Variants in SERGEF observed in about 807,000 individuals in gnomAD.
SERGEF encodes secretion-regulating guanine nucleotide exchange factor.
SERGEF carries 51 observed loss-of-function variants against 50.0 expected under a neutral mutation model. That is an observed-to-expected ratio of 1.02 (90% CI 0.81 to 1.29). SERGEF has a LOEUF of 1.29. SERGEF is among the 50% of genes most tolerant of loss of function. The probability of loss-of-function intolerance (pLI) is 0.00; values close to 1 mark genes in which losing one functional copy is unlikely to be tolerated. For synonymous variants in SERGEF, 205 were observed against 212.4 expected, an observed-to-expected ratio of 0.97 and a Z score of 0.30; for missense variants, 521 against 557.0, an observed-to-expected ratio of 0.94 and a Z score of 0.65.
chr11:17,996,787 C>A (rs1053615513), intron 5 of SERGEF, among the ~76,000 whole-genome samples: 10 of 151,396 alleles, frequency 6.6e-5, no homozygotes, highest in Admixed American at 2.0e-4. Flanking sequence ...TAAAAACTTA[C>A]AATCTCTTCA....
At chr11:17,878,821 C>G (rs1246214717) in intron 9 of SERGEF, among the ~76,000 whole-genome samples, 2 of 152,184 alleles carry the variant, frequency 1.3e-5, no homozygotes, top group African/African-American at 2.4e-5. Flanking sequence ...CTTCCTCTAC[C>G]CAGAATGTCC....
chr11:17,824,030 G>A (rs554761080), intron 10 of SERGEF, among the ~76,000 whole-genome samples: 3 of 152,134 alleles, frequency 2.0e-5, no homozygotes, highest in Non-Finnish European at 2.9e-5. Context: ...GGCCGGGCGC[G>A]GTGGCTCATG....
intron 1 of SERGEF, among the ~76,000 whole-genome samples, chr11:18,011,495 GGCCTTCTA>G (rs781558929): frequency 2.2e-4 from 33 of 152,112 alleles, no homozygotes; most frequent in Non-Finnish European, 4.3e-4. Context: ...CCTTGATCTT[GGCCTTCTA>G]GCCTCTGGAA....
intron 10 of SERGEF, among the ~76,000 whole-genome samples, chr11:17,865,786 C>T (rs188330409): frequency 2.5e-4 from 38 of 152,144 alleles, no homozygotes; most frequent in Non-Finnish European, 4.0e-4. Context: ...GGTTAATTTA[C>T]GTTTGAAGAA....
intron 10 of SERGEF, among the ~76,000 whole-genome samples, chr11:17,823,730 G>C (rs1244467511): frequency 6.6e-6 from 1 of 152,182 alleles, no homozygotes; most frequent in Non-Finnish European, 1.5e-5. Flanking sequence ...CTCAGGTGCT[G>C]AGAAGTGGGA....
intron 10 of SERGEF, among the ~76,000 whole-genome samples, chr11:17,794,996 G>C (rs540265070): frequency 1.3e-5 from 2 of 152,334 alleles, no homozygotes; most frequent in Admixed American, 1.3e-4. Context: ...TGGGCAGTGG[G>C]AAGAGGAGGG....
intron 9 of SERGEF, among the ~76,000 whole-genome samples, chr11:17,916,830 T>C (rs561809861): frequency 5.9e-5 from 9 of 152,362 alleles, no homozygotes; most frequent in Admixed American, 4.6e-4. Context: ...CTGTTTTTTC[T>C]TATTAACTTC....
intron 10 of SERGEF, among the ~76,000 whole-genome samples, chr11:17,830,388 T>TTG (rs1053147555): frequency 6.6e-5 from 10 of 152,200 alleles, no homozygotes; most frequent in African/African-American, 2.4e-4. Flanking sequence ...TGTGCTGCTA[T>TTG]AACAGAATAG....
chr11:17,920,119 C>T (rs933933014), intron 9 of SERGEF, among the ~76,000 whole-genome samples: 4 of 149,262 alleles, frequency 2.7e-5, no homozygotes, highest in African/African-American at 2.5e-5. Context: ...TGGTGGCACG[C>T]GCCTGTAGTC....
At chr11:17,917,578 AAATG>A (rs1204223358) in intron 9 of SERGEF, among the ~76,000 whole-genome samples, 1 of 152,228 alleles carries the variant, frequency 6.6e-6, no homozygotes, top group East Asian at 1.9e-4. Flanking sequence ...ATAAATAAAT[AAATG>A]AATAAGAAAG....
At chr11:17,870,667 G>A (rs1222803006) in intron 10 of SERGEF, among the ~76,000 whole-genome samples, 11 of 152,148 alleles carry the variant, frequency 7.2e-5, no homozygotes, top group Admixed American at 5.9e-4. Flanking sequence ...TAATACGGGT[G>A]TGAATGAAAA....
intron 10 of SERGEF, among the ~76,000 whole-genome samples, chr11:17,800,657 A>G (rs1168224085): frequency 6.6e-6 from 1 of 152,174 alleles, no homozygotes; most frequent in African/African-American, 2.4e-5. Context: ...TATGAGTTAT[A>G]AAAAAACAGT....
intron 9 of SERGEF, among the ~76,000 whole-genome samples, chr11:17,897,519 C>A (rs972711588): frequency 6.6e-6 from 1 of 152,178 alleles, no homozygotes; most frequent in Admixed American, 6.5e-5. Context: ...AAGCATAGTA[C>A]AACCATATAA....
intron 10 of SERGEF, among the ~76,000 whole-genome samples, chr11:17,863,037 G>A (rs1850954837): frequency 6.6e-6 from 1 of 152,200 alleles, no homozygotes; most frequent in African/African-American, 2.4e-5. Flanking sequence ...AACCTCTGCA[G>A]GGAGCAGCAC....
chr11:17,993,142 T>C (rs1021529228), intron 6 of SERGEF, 149 bp from the exon 7 acceptor site: 5 of 630,460 alleles, frequency 7.9e-6, no homozygotes, highest in Non-Finnish European at 1.1e-5. Context: ...AGAAGATGGC[T>C]GGCATTGTAG....
rs1853708624 is a variant in SERGEF at position 17,991,364 on chromosome 11, ATTAGACAAGCTCTAGG to A, written c.685+1551_685+1566del. 1.3e-5 allele frequency among the ~76,000 whole-genome samples: 2 copies of A among 152,226 alleles called. No individual in the cohort carries two copies. Among genetic ancestry groups the A allele is most frequent in the African/African-American group, 4.8e-5 (2 of 41,470 alleles). On this transcript the variant is annotated intron_variant, in intron 7 of 10. Coordinates refer to ENST00000265965, the MANE Select transcript of SERGEF (RefSeq NM_012139.4). The surrounding 1 kb of genome is among the most constrained non-coding windows in gnomAD (Gnocchi z 4.9). The stretch of plus-strand genomic sequence containing the variant: ...TTTAAGAAGTTGAAGTTGGCAAACA[ATTAGACAAGCTCTAGG>A]TTTACATACCATCAGTCATTTCAAA...
intron 8 of SERGEF, among the ~76,000 whole-genome samples, chr11:17,975,783 T>C (rs1395216135): frequency 6.6e-6 from 1 of 152,118 alleles, no homozygotes; most frequent in Non-Finnish European, 1.5e-5. Context: ...GAGTAACGCC[T>C]CAACAAGGAC....
At position 17,934,083 on chromosome 11, in the gene SERGEF, TA is replaced by T. The variant is rs530775213; in HGVS notation, c.1011+25386del. On this transcript the variant is annotated intron_variant, in intron 9 of 10. Coordinates refer to ENST00000265965, the MANE Select transcript of SERGEF (RefSeq NM_012139.4). ...GTGGTTCTCAGAATAAATTGAATAA[TA>T]AAAAAAACTAGAATTTTTTTTTAAT... Among the ~76,000 whole-genome samples the T allele has an allele frequency of 2.8e-3, 423 of 152,012 alleles. 1 individual carries two copies. The highest frequency in any genetic ancestry group is 9.3e-3 in the African/African-American group (384 of 41,500).
chr11:17,942,323 G>A (rs1020565715), intron 9 of SERGEF, among the ~76,000 whole-genome samples: 8 of 151,936 alleles, frequency 5.3e-5, no homozygotes, highest in South Asian at 4.1e-4. Flanking sequence ...AGTCTTGCAC[G>A]TTTTTGTTAA....
Sources: allele counts gnomAD v4.1 joint callset (sites outside exome capture counted in the v4.1 genomes callset), GRCh38; gene constraint gnomAD v4.1.1; non-coding constraint Gnocchi (gnomAD v3.1); transcripts MANE v1.5; gene names NCBI Gene and HGNC (gene_info 2026-07-23, HGNC 2026-07-21).